Variants in ANKRD11 observed in about 807,000 individuals in gnomAD.
ANKRD11 encodes the protein ankyrin repeat domain-containing protein 11.
Under a neutral mutation model 195.7 loss-of-function variants are expected in ANKRD11, and 17 were observed. The observed-to-expected ratio is 0.09, with a 90% CI of 0.06 to 0.13. The LOEUF is 0.13. Ranked by LOEUF, ANKRD11 falls within the 10% of genes least tolerant of loss-of-function variation. ANKRD11 has a pLI of 1.00. For synonymous variants in ANKRD11, 1,953 were observed against 1,528.1 expected (o/e 1.28, Z -6.49); for missense variants, 3,735 against 3,566.1 (o/e 1.05, Z -1.21).
chr16:89,321,621 T>A (rs935234974), intron 2 of ANKRD11, among the ~76,000 whole-genome samples: 1 of 151,968 alleles, frequency 6.6e-6, no homozygotes, highest in African/African-American at 2.4e-5. Flanking sequence ...ATTTTAAGCA[T>A]GTTCTGTTCT....
At chr16:89,359,715 T>G (rs1459574115) in intron 2 of ANKRD11, among the ~76,000 whole-genome samples, 1 of 152,198 alleles carries the variant, frequency 6.6e-6, no homozygotes, top group Non-Finnish European at 1.5e-5. Context: ...CAAGAGGCAT[T>G]TTCAACGGTC....
intron 9 of ANKRD11, among the ~76,000 whole-genome samples, chr16:89,276,397 G>GACACAC (rs144774327): frequency 3.9e-5 from 6 of 152,142 alleles, no homozygotes; most frequent in African/African-American, 1.4e-4. Context: ...TCTCTTCCAA[G>GACACAC]ACACACACAC....
rs746699137 is a variant in ANKRD11, at chr16:89,282,199, T to C, written c.4343A>G (p.Tyr1448Cys). The change falls in exon 9 of 13, where the codon TAT becomes TGT. Residue 1448 changes from tyrosine (Y) to cysteine (C), a missense_variant. Coordinates refer to ENST00000301030, the MANE Select transcript of ANKRD11 (RefSeq NM_013275.6). ...SKKIEKELKP[Y>C]GSSAINILKE... ...TAGGATGTTGATGGCACTAGATCCATAAGGCTTTAGTTCCTTTTCTATTTT... is the reference window on the plus strand; with the variant it reads ...TAGGATGTTGATGGCACTAGATCCACAAGGCTTTAGTTCCTTTTCTATTTT... 6.2e-7 allele frequency: 1 copy of C among 1,614,186 alleles called. No homozygotes were observed. Among genetic ancestry groups the C allele is most frequent in the Non-Finnish European group, 8.5e-7 (1 of 1,180,018 alleles).
At position 89,285,630 on chromosome 16, in the gene ANKRD11, G is replaced by A. The variant is rs1042890725; in HGVS notation, c.912C>T (p.Asp304=). 4.3e-6 allele frequency: 7 copies of A among 1,614,172 alleles called. No homozygotes were observed. The highest frequency in any genetic ancestry group is 2.7e-5 in the African/African-American group (2 of 75,046). The change falls in exon 9 of 13, where the codon GAC becomes GAT. Residue 304 remains aspartate, a synonymous_variant. Coordinates refer to ENST00000301030, the MANE Select transcript of ANKRD11 (RefSeq NM_013275.6). This position sits in a 1 kb window ranked among gnomAD's most constrained non-coding sequence, Gnocchi z 5.6. ...AACTGGAAGGTGCGAAGGATGGTGC[G>A]TCTTCCTCTTCTGAGCTCTCTGTTG... is the stretch of plus-strand genomic sequence containing the variant. The part of the protein sequence containing the change: ...ESSTESSEEE[D]APSFAPSSSV...
At chr16:89,349,846 C>T (rs578052598) in intron 2 of ANKRD11, among the ~76,000 whole-genome samples, 7 of 145,100 alleles carry the variant, frequency 4.8e-5, no homozygotes, top group Non-Finnish European at 7.5e-5. Flanking sequence ...AAAATACAGG[C>T]CAAATACTTG....
intron 2 of ANKRD11, among the ~76,000 whole-genome samples, chr16:89,335,805 A>G (rs1432096287): frequency 2.6e-5 from 4 of 152,144 alleles, no homozygotes; most frequent in Admixed American, 6.5e-5. Context: ...AGCTTGTTTT[A>G]CGGTTTGACC....
chr16:89,374,511 G>C (rs566120628), intron 2 of ANKRD11, among the ~76,000 whole-genome samples: 13 of 152,206 alleles, frequency 8.5e-5, no homozygotes, highest in Admixed American at 7.2e-4. Context: ...TGCTCTGTGA[G>C]AGAATTCAGA....
In ANKRD11 at chr16:89,490,361, G is replaced by GCGGCGGCGC; in HGVS notation, c.-270_-262dup. 6.5e-6 allele frequency: 1 copy of GCGGCGGCGC among 153,496 alleles called. No individual in the cohort carries two copies. The highest frequency in any genetic ancestry group is 1.9e-4 in the East Asian group (1 of 5,254). 9.5% of individuals were successfully genotyped at this position (153,496 alleles called of 1,614,324 possible). A position where few individuals can be genotyped will look rare whatever the true frequency, so the allele number is the denominator to read the frequency against. On this transcript the variant is annotated 5_prime_UTR_variant, in exon 1 of 13. Transcript: ENST00000301030. ...CGGCCCGAGCGGCAAGGCGGCGGCG[G>GCGGCGGCGC]CGGCGGCGCGGGCTCGGGCCCGGCA... is the stretch of plus-strand genomic sequence containing the variant.
intron 1 of ANKRD11, among the ~76,000 whole-genome samples, chr16:89,433,475 CAG>C (rs2043084615): frequency 1.3e-5 from 2 of 152,240 alleles, no homozygotes; most frequent in Non-Finnish European, 2.9e-5. Context: ...CTATTCAGAA[CAG>C]AGACACGGCG....
intron 1 of ANKRD11, among the ~76,000 whole-genome samples, chr16:89,421,857 G>A (rs888158716): frequency 6.6e-6 from 1 of 152,208 alleles, no homozygotes; most frequent in Non-Finnish European, 1.5e-5. Flanking sequence ...TTGGGGCAGG[G>A]GTGGGGGTAA....
At chr16:89,418,517 C>T (rs1406883310) in intron 1 of ANKRD11, 149 bp from the exon 2 acceptor site, 2 of 262,534 alleles carry the variant, frequency 7.6e-6, no homozygotes, top group Non-Finnish European at 7.8e-6. Flanking sequence ...GGTCACTGTG[C>T]CAAGGCCAAA....
At chr16:89,273,891 G>T (rs929452365) in intron 11 of ANKRD11, among the ~76,000 whole-genome samples, 1 of 152,242 alleles carries the variant, frequency 6.6e-6, no homozygotes, top group East Asian at 1.9e-4. Flanking sequence ...GTCAAGGGGG[G>T]CACATATTAC....
chr16:89,372,232 A>ACC (rs1336227780), intron 2 of ANKRD11, among the ~76,000 whole-genome samples: 1 of 152,210 alleles, frequency 6.6e-6, no homozygotes, highest in Non-Finnish European at 1.5e-5. Context: ...AGAGCTGGGG[A>ACC]AAGAGCCACA....
At chr16:89,380,141 CTCAT>C (rs2040582698) in intron 2 of ANKRD11, among the ~76,000 whole-genome samples, 3 of 152,078 alleles carry the variant, frequency 2.0e-5, no homozygotes, top group Admixed American at 1.3e-4. Flanking sequence ...GAGACAGAGT[CTCAT>C]TCTGTCACCC....
intron 2 of ANKRD11, among the ~76,000 whole-genome samples, chr16:89,408,285 C>T (rs1456489339): frequency 6.6e-6 from 1 of 152,268 alleles, no homozygotes; most frequent in African/African-American, 2.4e-5. Context: ...AGCCCTTCCA[C>T]ATTCACTTTA....
intron 1 of ANKRD11, among the ~76,000 whole-genome samples, chr16:89,454,121 C>T (rs1426902314): frequency 6.6e-6 from 1 of 152,154 alleles, no homozygotes; most frequent in Non-Finnish European, 1.5e-5. Context: ...CACAACACCC[C>T]CTGGCACACC....
At chr16:89,411,164 C>G (rs1003839287) in intron 2 of ANKRD11, among the ~76,000 whole-genome samples, 18 of 152,268 alleles carry the variant, frequency 1.2e-4, no homozygotes, top group Non-Finnish European at 2.2e-4. Context: ...CGCTGGCTGT[C>G]CACACCCAGG....
At chr16:89,384,879 C>CTTTTTGTTTTTTTTTTTTTTTTTTTTTT (rs2040833636) in intron 2 of ANKRD11, among the ~76,000 whole-genome samples, 1 of 49,910 alleles carries the variant, frequency 2.0e-5, no homozygotes, top group Non-Finnish European at 3.5e-5. Context: ...AAATAGTTTT[C>CTTTTTGTTTTTTTTTTTTTTTTTTTTTT]TTTTTTTTTT....
intron 1 of ANKRD11, among the ~76,000 whole-genome samples, chr16:89,461,954 C>A (rs1258542467): frequency 6.6e-6 from 1 of 152,096 alleles, no homozygotes; most frequent in Non-Finnish European, 1.5e-5. Context: ...AAAGCCCATC[C>A]CAGCATCTTC....
Sources: gnomAD v4.1 joint callset for allele counts (sites outside exome capture counted in the v4.1 genomes callset) on GRCh38, gnomAD v4.1.1 for gene constraint, Gnocchi (gnomAD v3.1) non-coding constraint, MANE v1.5 for transcripts, NCBI Gene and HGNC (gene_info 2026-07-23, HGNC 2026-07-21) for gene names.